The following AFF2 variants were observed in gnomAD, a reference collection of about 807,000 sequenced individuals.
The protein encoded by AFF2 is AF4/FMR2 family member 2.
AFF2 carries 14 observed loss-of-function variants against 76.9 expected under a neutral mutation model. The observed-to-expected ratio is 0.18, with a 90% confidence interval of 0.12 to 0.28. The LOEUF is 0.28. Ranked by LOEUF, AFF2 falls within the 10% of genes least tolerant of loss-of-function variation. The pLI, the probability that AFF2 is intolerant of heterozygous loss-of-function variation, is 1.00. For missense variants in AFF2, 868 were observed against 1,001.1 expected, an observed-to-expected ratio of 0.87 and a Z score of 1.79; for synonymous variants, 398 against 366.7, an observed-to-expected ratio of 1.09 and a Z score of -0.98.
chrX:148,734,433 A>C (rs1475507508), intron 3 of AFF2, among the ~76,000 whole-genome samples: 1 of 111,753 alleles, frequency 8.9e-6, no homozygotes, highest in African/African-American at 3.3e-5. Context: ...TGCAGAGAGA[A>C]CAGCCACTTT....
intron 3 of AFF2, among the ~76,000 whole-genome samples, chrX:148,669,387 T>C (rs2054396456): frequency 8.9e-6 from 1 of 111,946 alleles, no homozygotes; most frequent in South Asian, 3.7e-4. Context: ...CCACTCCTGG[T>C]ACCAATTTCC....
At chrX:148,838,449 T>C (rs1226213305) in intron 5 of AFF2, among the ~76,000 whole-genome samples, 1 of 111,774 alleles carries the variant, frequency 8.9e-6, no homozygotes, top group Non-Finnish European at 1.9e-5. Flanking sequence ...CAAAACAATG[T>C]AGTAAATGTC....
chrX:148,824,344 A>C (rs2070362542), intron 4 of AFF2, among the ~76,000 whole-genome samples: 1 of 111,666 alleles, frequency 9.0e-6, no homozygotes, highest in South Asian at 3.7e-4. Context: ...AGGGTAAATA[A>C]ATTCTGAAGA....
At chrX:148,660,823 G>A (rs1283836608) in intron 2 of AFF2, among the ~76,000 whole-genome samples, 1 of 112,251 alleles carries the variant, frequency 8.9e-6, no homozygotes, top group East Asian at 2.8e-4. Flanking sequence ...AGCTTGTTTT[G>A]ATAAACTCTT....
At chrX:148,558,641 AC>A (rs1467598357) in intron 1 of AFF2, among the ~76,000 whole-genome samples, 1 of 111,643 alleles carries the variant, frequency 9.0e-6, no homozygotes, top group Non-Finnish European at 1.9e-5. Context: ...AAACAAAACC[AC>A]CTTTTGGTAA....
At chrX:148,577,364 G>T (rs2053301552) in intron 1 of AFF2, among the ~76,000 whole-genome samples, 1 of 112,022 alleles carries the variant, frequency 8.9e-6, no homozygotes, top group Admixed American at 9.4e-5. Context: ...CTTCAGTAAT[G>T]GTGTACGTGA....
At chrX:148,900,548 C>G (rs933943418) in intron 8 of AFF2, among the ~76,000 whole-genome samples, 1 of 111,109 alleles carries the variant, frequency 9.0e-6, no homozygotes, top group African/African-American at 3.3e-5. Context: ...TCAAGATACC[C>G]CATGACAGAG....
intron 1 of AFF2, among the ~76,000 whole-genome samples, chrX:148,613,165 T>G (rs782013618): frequency 1.8e-4 from 20 of 111,587 alleles, no homozygotes; most frequent in African/African-American, 6.5e-4. Context: ...TCATTGTACC[T>G]CCCCACTTAT....
At chrX:148,526,040 G>A (rs182215343) in intron 1 of AFF2, among the ~76,000 whole-genome samples, 1 of 111,558 alleles carries the variant, frequency 9.0e-6, no homozygotes, top group East Asian at 2.8e-4. Flanking sequence ...AGCAATCATA[G>A]TATAATAGCT....
At position 148,992,683 on chromosome X, in the gene AFF2, G is replaced by C. The variant is rs1040911910; in HGVS notation, c.*1351G>C. 1.8e-5 allele frequency: 2 copies of C among 111,872 alleles called. No homozygotes were observed. The highest frequency in any genetic ancestry group is 3.8e-5 in the Non-Finnish European group (2 of 53,130). 9.2% of individuals were successfully genotyped at this position (111,872 alleles called of 1,213,427 possible). A position where few individuals can be genotyped will look rare whatever the true frequency, so the allele number is the denominator to read the frequency against. On this transcript the variant is annotated 3_prime_UTR_variant, in exon 21 of 21. Transcript: ENST00000370460. ...GCTTTGAAAGAGCCCTAAACATTGG[G>C]AACCATTCACCTAATTTGGAGACAT...
chrX:148,682,766 T>C (rs2054563946), intron 3 of AFF2, among the ~76,000 whole-genome samples: 1 of 112,407 alleles, frequency 8.9e-6, no homozygotes, highest in Non-Finnish European at 1.9e-5. Context: ...GTTAACATTC[T>C]ATATTTTTTA....
intron 3 of AFF2, among the ~76,000 whole-genome samples, chrX:148,689,538 C>T (rs1211970346): frequency 9.1e-6 from 1 of 110,350 alleles, no homozygotes; most frequent in Admixed American, 9.7e-5. Context: ...CAGGACCACT[C>T]CTGGGCAATG....
chrX:148,537,984 A>G (rs2052804949), intron 1 of AFF2, among the ~76,000 whole-genome samples: 1 of 112,028 alleles, frequency 8.9e-6, no homozygotes. Flanking sequence ...GGGTGTAGGT[A>G]CTTTGTAATG....
intron 3 of AFF2, among the ~76,000 whole-genome samples, chrX:148,781,491 C>T (rs367613231): frequency 8.9e-6 from 1 of 112,283 alleles, no homozygotes; most frequent in Non-Finnish European, 1.9e-5. Context: ...GGGCTCTGCC[C>T]AGTCCAAACT....
At chrX:148,676,567 A>G (rs562681986) in intron 3 of AFF2, among the ~76,000 whole-genome samples, 1 of 112,250 alleles carries the variant, frequency 8.9e-6, no homozygotes, top group South Asian at 3.7e-4. Context: ...CAAAAACAGA[A>G]AAGCCACAGT....
chrX:148,640,192 G>A (rs1478857911), intron 1 of AFF2, among the ~76,000 whole-genome samples: 2 of 111,907 alleles, frequency 1.8e-5, no homozygotes, highest in East Asian at 5.6e-4. Context: ...GTTTTAATTT[G>A]CTTTTTTAAC....
chrX:148,792,519 C>T (rs1184165758), intron 3 of AFF2, among the ~76,000 whole-genome samples: 1 of 112,832 alleles, frequency 8.9e-6, no homozygotes, highest in Admixed American at 9.3e-5. Flanking sequence ...TAACAAAGGG[C>T]CTTGCTGACA....
At chrX:148,836,031 C>T (rs891893952) in intron 4 of AFF2, among the ~76,000 whole-genome samples, 33 of 111,765 alleles carry the variant, frequency 3.0e-4, no homozygotes, top group African/African-American at 1.1e-3. Flanking sequence ...TAAAAGAGAT[C>T]ACTGAGTATT....
At chrX:148,835,101 C>T (rs1307237714) in intron 4 of AFF2, among the ~76,000 whole-genome samples, 2 of 111,764 alleles carry the variant, frequency 1.8e-5, no homozygotes, top group African/African-American at 6.5e-5. Context: ...ATTCTGCCTC[C>T]GAGTAAATAC....
Sources: gnomAD v4.1 joint callset for allele counts (sites outside exome capture counted in the v4.1 genomes callset) on GRCh38, gnomAD v4.1.1 for gene constraint, MANE v1.5 for transcripts, NCBI Gene and HGNC (gene_info 2026-07-23, HGNC 2026-07-21) for gene names.